The following C10orf67 variants were observed in gnomAD, a reference collection of about 807,000 sequenced individuals.
The protein encoded by C10orf67 is chromosome 10 open reading frame 67, also known as uncharacterized protein C10orf67, mitochondrial.
C10orf67 carries 60 observed loss-of-function variants against 35.6 expected under a neutral mutation model. The observed-to-expected ratio is 1.68, with a 90% CI of 1.37 to 2.09. C10orf67 has a LOEUF of 2.09. Ranked by LOEUF, C10orf67 falls within the 30% of genes most tolerant of loss-of-function variation. The probability of loss-of-function intolerance (pLI) is 0.00; values close to 1 mark genes in which losing one functional copy is unlikely to be tolerated. For synonymous variants in C10orf67, 167 were observed against 115.8 expected (o/e 1.44, Z -2.84); for missense variants, 474 against 330.2 (o/e 1.44, Z -3.38).
At chr10:23,232,839 C>T (rs1024930620) in intron 13 of C10orf67, among the ~76,000 whole-genome samples, 1 of 152,138 alleles carries the variant, frequency 6.6e-6, no homozygotes, top group Non-Finnish European at 1.5e-5. Context: ...AAAAACAGAT[C>T]CCAGATCCCA....
chr10:23,321,133 T>C (rs1458550384), intron 3 of C10orf67, among the ~76,000 whole-genome samples: 1 of 152,256 alleles, frequency 6.6e-6, no homozygotes, highest in Non-Finnish European at 1.5e-5. Context: ...AGTCTATTTG[T>C]GATGCCTATC....
chr10:23,297,994 G>A (rs1292653865), intron 5 of C10orf67, among the ~76,000 whole-genome samples: 7 of 152,076 alleles, frequency 4.6e-5, no homozygotes, highest in African/African-American at 1.2e-4. Context: ...GTTGGCTCAC[G>A]CCTATAATCC....
intron 15 of C10orf67, 26 bp from the exon 16 acceptor site, chr10:23,204,281 C>T: frequency 1.7e-6 from 1 of 602,490 alleles, no homozygotes. Context: ...GGTGGACAGA[C>T]ATAAACTTTG....
chr10:23,220,724 G>C lies in C10orf67; in HGVS notation c.1570+2874C>G, dbSNP rs181983330. Among the ~76,000 whole-genome samples the C allele has an allele frequency of 3.0e-3, 458 of 152,280 alleles. 4 individuals are homozygous for C. Among genetic ancestry groups the C allele is most frequent in the African/African-American group, 0.011 (437 of 41,570 alleles). On this transcript the variant is annotated intron_variant, in intron 15 of 15. Transcript: ENST00000636213. ...TTATCTGTAAAATGGGGGAAAGCAA[G>C]AGTACCCACCTAATAGGATTTTTGT...
chr10:23,283,999 A>G (rs1426704746), intron 7 of C10orf67, among the ~76,000 whole-genome samples: 2 of 152,096 alleles, frequency 1.3e-5, no homozygotes, highest in African/African-American at 4.8e-5. Context: ...CTGGAATTAA[A>G]ACACAAAAGC....
chr10:23,241,453 C>T (rs1842173383), intron 12 of C10orf67, among the ~76,000 whole-genome samples: 1 of 152,138 alleles, frequency 6.6e-6, no homozygotes, highest in Admixed American at 6.6e-5. Flanking sequence ...GTGGTAAATG[C>T]ATTTTGCATG....
rs923365789 is a variant in C10orf67 at position 23,256,044 on chromosome 10, C to T, written c.1201-5353G>A. 5.9e-5 allele frequency among the ~76,000 whole-genome samples: 9 copies of T among 152,276 alleles called. No homozygotes were observed. In the South Asian group the frequency reaches 1.9e-3, roughly 32 times the overall value. ...CTTCAAGACAGTTTGCTCCATGGCT[C>T]AGGCTGGAGTGCAGTGGCATGATCT... On this transcript the variant is annotated intron_variant, in intron 10 of 15. Transcript: ENST00000636213.
At chr10:23,289,013 A>G (rs1843632751) in intron 7 of C10orf67, among the ~76,000 whole-genome samples, 1 of 152,184 alleles carries the variant, frequency 6.6e-6, no homozygotes, top group Non-Finnish European at 1.5e-5. Context: ...CCATAACAGA[A>G]TGGTAACTGA....
intron 13 of C10orf67, among the ~76,000 whole-genome samples, chr10:23,236,450 C>G (rs1405251493): frequency 1.3e-5 from 2 of 150,792 alleles, no homozygotes; most frequent in Non-Finnish European, 2.9e-5. Flanking sequence ...CAAAACAAAA[C>G]AAACAAAAAA....
intron 4 of C10orf67, among the ~76,000 whole-genome samples, chr10:23,306,958 C>T (rs781701419): frequency 5.3e-5 from 8 of 152,056 alleles, no homozygotes; most frequent in Non-Finnish European, 8.8e-5. Context: ...CTTTAATATT[C>T]CTCTAGAAGG....
At chr10:23,226,791 A>G (rs1247950728) in intron 13 of C10orf67, among the ~76,000 whole-genome samples, 1 of 152,238 alleles carries the variant, frequency 6.6e-6, no homozygotes, top group Non-Finnish European at 1.5e-5. Flanking sequence ...ACAAACTACC[A>G]TCACAGAATA....
At chr10:23,254,446 G>C (rs1176079176) in intron 10 of C10orf67, among the ~76,000 whole-genome samples, 1 of 152,144 alleles carries the variant, frequency 6.6e-6, no homozygotes, top group African/African-American at 2.4e-5. Flanking sequence ...CTGATCTCAG[G>C]TGATCCACCC....
chr10:23,306,870 A>G (rs1844304614), intron 4 of C10orf67, among the ~76,000 whole-genome samples: 1 of 152,214 alleles, frequency 6.6e-6, no homozygotes, highest in African/African-American at 2.4e-5. Flanking sequence ...TTTGTCAATT[A>G]TACATCAGTA....
chr10:23,266,484 C>G (rs1842886556), intron 9 of C10orf67, 58 bp from the exon 10 acceptor site: 4 of 398,018 alleles, frequency 1.0e-5, no homozygotes, highest in South Asian at 2.6e-4. Context: ...GATTTGTGTC[C>G]CTTTCTTTCA....
At chr10:23,283,458 A>C (rs939657158) in intron 7 of C10orf67, among the ~76,000 whole-genome samples, 2 of 152,120 alleles carry the variant, frequency 1.3e-5, no homozygotes, top group Non-Finnish European at 2.9e-5. Context: ...CAACAACTTC[A>C]CTGGACTCTG....
intron 13 of C10orf67, among the ~76,000 whole-genome samples, chr10:23,236,964 T>C (rs974107608): frequency 3.3e-5 from 5 of 152,160 alleles, no homozygotes; most frequent in African/African-American, 1.2e-4. Flanking sequence ...TCATGGGGGT[T>C]TGCTGTTCAG....
rs775732340 is a variant in C10orf67, at chr10:23,322,520, C to T, written c.345G>A (p.Gln115=). ...QKLAQMMKSL[Q]VDFGFLKQLL... ...ATTGTTTGAGGAACCCAAAATCTAC[C>T]TGGAGGGATTTCATCATCTAAAAAT... The change falls in exon 3 of 16, where the codon CAG becomes CAA. Residue 115 remains glutamine, a synonymous_variant. Coordinates refer to ENST00000636213, the MANE Select transcript of C10orf67 (RefSeq NM_001371909.1). 6.2e-7 allele frequency: 1 copy of T among 1,607,092 alleles called. No individual in the cohort carries two copies. The highest frequency in any genetic ancestry group is 1.3e-5 in the African/African-American group (1 of 74,680).
At chr10:23,301,081 T>C (rs1374919139) in intron 5 of C10orf67, among the ~76,000 whole-genome samples, 1 of 152,220 alleles carries the variant, frequency 6.6e-6, no homozygotes, top group African/African-American at 2.4e-5. Context: ...ACATGCACTC[T>C]AGCTGGGCCA....
At chr10:23,304,153 T>C (rs1161254439) in intron 4 of C10orf67, among the ~76,000 whole-genome samples, 2 of 152,214 alleles carry the variant, frequency 1.3e-5, no homozygotes, top group Non-Finnish European at 2.9e-5. Context: ...CAGTCCTGCC[T>C]GCCCAGGCAC....
Sources: allele counts gnomAD v4.1 joint callset (sites outside exome capture counted in the v4.1 genomes callset), GRCh38; gene constraint gnomAD v4.1.1; transcripts MANE v1.5; gene names NCBI Gene and HGNC (gene_info 2026-07-23, HGNC 2026-07-21).